The following NFIB variants were observed in gnomAD, a reference collection of about 807,000 sequenced individuals.
NFIB encodes the protein nuclear factor 1 B-type.
Under a neutral mutation model 61.5 loss-of-function variants are expected in NFIB, and 11 were observed. The observed-to-expected ratio is 0.18, with a 90% CI of 0.11 to 0.30. The LOEUF (loss-of-function observed/expected upper bound fraction) is 0.30. Among genes scored for constraint, NFIB ranks in the 10% least tolerant of loss-of-function variants. The pLI is 1.00. For synonymous variants in NFIB, 260 were observed against 216.5 expected, an observed-to-expected ratio of 1.20 and a Z score of -1.76; for missense variants, 471 against 608.9, an observed-to-expected ratio of 0.77 and a Z score of 2.38.
At chr9:14,209,219 C>A (rs2050062765) in intron 2 of NFIB, among the ~76,000 whole-genome samples, 1 of 152,136 alleles carries the variant, frequency 6.6e-6, no homozygotes. Flanking sequence ...TTCTTTTCAT[C>A]ACTGAATAAT....
intron 2 of NFIB, among the ~76,000 whole-genome samples, chr9:14,248,316 C>CCCTT: frequency 6.6e-6 from 1 of 150,984 alleles, no homozygotes; most frequent in East Asian, 2.0e-4. Flanking sequence ...CCCCTCCCCT[C>CCCTT]CCTTCCTTCC....
intron 2 of NFIB, among the ~76,000 whole-genome samples, chr9:14,297,426 G>T (rs2059505708): frequency 6.6e-6 from 1 of 152,178 alleles, no homozygotes; most frequent in South Asian, 2.1e-4. Context: ...TATGATTCTG[G>T]ATTATCAACA....
At chr9:14,462,387 A>C in the NFIB span, among the ~76,000 whole-genome samples, 2 of 150,890 alleles carry the variant, frequency 1.3e-5, no homozygotes, top group African/African-American at 4.9e-5. Context: ...GGTTCACGCC[A>C]TTCTCCTGCC....
chr9:14,467,273 C>T, the NFIB span, among the ~76,000 whole-genome samples: 1 of 152,164 alleles, frequency 6.6e-6, no homozygotes, highest in Admixed American at 6.5e-5. Context: ...CCTTGACCTC[C>T]ACCTTACCTG....
chr9:14,324,751 A>C (rs1444677946), intron 1 of NFIB, among the ~76,000 whole-genome samples: 3 of 152,030 alleles, frequency 2.0e-5, no homozygotes, highest in Admixed American at 6.5e-5. Flanking sequence ...TTCATATATT[A>C]TCTTTTTTTA....
chr9:14,400,221 G>C (rs1368278840), upstream of NFIB, among the ~76,000 whole-genome samples: 1 of 152,086 alleles, frequency 6.6e-6, no homozygotes, highest in Admixed American at 6.6e-5. Context: ...AACATAAAAT[G>C]TCTTAACTCA....
At chr9:14,306,453 T>C (rs1390262171) in intron 2 of NFIB, among the ~76,000 whole-genome samples, 1 of 152,254 alleles carries the variant, frequency 6.6e-6, no homozygotes, top group Non-Finnish European at 1.5e-5. Context: ...GATATACTTT[T>C]GATATTATCT....
chr9:14,083,716 AT>A lies in NFIB; in HGVS notation c.*4592del, dbSNP rs1262697210. On this transcript the variant is annotated 3_prime_UTR_variant, in exon 11 of 11. Coordinates refer to ENST00000380953, the MANE Select transcript of NFIB (RefSeq NM_001190737.2). ...TTCATCATTTCACACAGTACATAGA[AT>A]TTGAATCTAGGTAAAGAACATGTCC... 1.3e-5 allele frequency: 3 copies of A among 224,544 alleles called. No homozygotes were observed. In the Admixed American group the frequency reaches 1.7e-4, roughly 13 times the overall value. The allele number at this position is 224,544 out of a possible 1,614,324, so 13.9% of individuals were successfully genotyped here.
At chr9:14,264,326 ATT>A (rs2057021340) in intron 2 of NFIB, among the ~76,000 whole-genome samples, 1 of 152,178 alleles carries the variant, frequency 6.6e-6, no homozygotes, top group South Asian at 2.1e-4. Flanking sequence ...GTCAACAACC[ATT>A]CTTTTCCCCA....
chr9:14,372,394 A>T (rs1185563266), intron 1 of NFIB, among the ~76,000 whole-genome samples: 1 of 152,200 alleles, frequency 6.6e-6, no homozygotes, highest in Non-Finnish European at 1.5e-5. Context: ...ATTATACAGA[A>T]TTTATATAAG....
At chr9:14,139,758 T>G (rs1319591681) in intron 6 of NFIB, among the ~76,000 whole-genome samples, 2 of 152,162 alleles carry the variant, frequency 1.3e-5, no homozygotes, top group Non-Finnish European at 2.9e-5. Context: ...TAGGAGGCAA[T>G]GTGGGGAATT....
chr9:14,241,328 T>C (rs1180532785), intron 2 of NFIB, among the ~76,000 whole-genome samples: 2 of 152,182 alleles, frequency 1.3e-5, no homozygotes, highest in East Asian at 3.9e-4. Flanking sequence ...CATCCATATC[T>C]ACCTGTGGCA....
the NFIB span, among the ~76,000 whole-genome samples, chr9:14,444,499 G>A: frequency 1.3e-5 from 2 of 152,164 alleles, no homozygotes; most frequent in African/African-American, 2.4e-5. Flanking sequence ...CTCTGAGAAT[G>A]GATGAGCTTC....
At chr9:14,277,419 C>T (rs1248558252) in intron 2 of NFIB, among the ~76,000 whole-genome samples, 1 of 152,064 alleles carries the variant, frequency 6.6e-6, no homozygotes, top group Non-Finnish European at 1.5e-5. Flanking sequence ...TGTGCCGAGG[C>T]ATGTTTTTGG....
At position 14,146,752 on chromosome 9, in the gene NFIB, C is replaced by T; in HGVS notation, c.862G>A (p.Asp288Asn). The T allele has an allele frequency of 6.2e-7, 1 of 1,608,718 alleles. No homozygotes were observed. The highest frequency in any genetic ancestry group is 1.1e-5 in the South Asian group (1 of 89,252). Residue 288 changes from aspartate to asparagine, a missense_variant, in exon 6 of 11, where the codon GAC becomes AAC. By Grantham distance (23) the Asp-to-Asn change is conservative (BLOSUM62 1). Transcript: ENST00000380953. ...GGTGAACTTGGAGAGGGGTAAAAGT[C>T]TCCTGTAGGACTTGGTTCCATATTT... is the stretch of plus-strand genomic sequence containing the variant. The part of the protein sequence containing the change: ...DENMEPSPTG[D>N]FYPSPSSPAA...
chr9:14,172,003 G>A (rs1478731334), intron 3 of NFIB, among the ~76,000 whole-genome samples: 1 of 152,194 alleles, frequency 6.6e-6, no homozygotes, highest in Admixed American at 6.5e-5. Flanking sequence ...ATTACCAGGA[G>A]AGGTCCTGTT....
At chr9:14,413,137 G>A in the NFIB span, among the ~76,000 whole-genome samples, 5 of 152,138 alleles carry the variant, frequency 3.3e-5, no homozygotes, top group African/African-American at 1.2e-4. Flanking sequence ...GATTTGTAAT[G>A]AAACTTATGA....
intron 2 of NFIB, among the ~76,000 whole-genome samples, chr9:14,241,081 G>C (rs912210581): frequency 5.9e-5 from 9 of 152,184 alleles, no homozygotes; most frequent in African/African-American, 2.2e-4. Flanking sequence ...AAAGCACATG[G>C]CAAGAATACA....
chr9:14,109,983 G>C (rs1323384819), intron 10 of NFIB, among the ~76,000 whole-genome samples: 1 of 152,024 alleles, frequency 6.6e-6, no homozygotes, highest in East Asian at 1.9e-4. Context: ...ACAATTGTCT[G>C]TGTACCAAGT....
Sources: allele counts gnomAD v4.1 joint callset (sites outside exome capture counted in the v4.1 genomes callset), GRCh38; gene constraint gnomAD v4.1.1; transcripts MANE v1.5; gene names NCBI Gene and HGNC (gene_info 2026-07-23, HGNC 2026-07-21).